Variants in AP3S1 observed in about 807,000 individuals in gnomAD.
The protein encoded by AP3S1 is AP-3 complex subunit sigma-1.
A neutral mutation model predicts 21.3 loss-of-function variants in AP3S1; 12 were observed. The ratio of observed to expected loss-of-function variants is 0.56; its 90% CI spans 0.36 to 0.91. AP3S1 has a LOEUF of 0.91. Ranked by LOEUF, AP3S1 falls within the 40% of genes least tolerant of loss-of-function variation. AP3S1 has a pLI of 0.01. For synonymous variants in AP3S1, 48 were observed against 78.4 expected, an observed-to-expected ratio of 0.61 and a Z score of 2.05; for missense variants, 116 against 225.0, an observed-to-expected ratio of 0.52 and a Z score of 3.10.
chr5:115,904,945 G>T (rs1310212366), intron 5 of AP3S1, among the ~76,000 whole-genome samples: 1 of 152,132 alleles, frequency 6.6e-6, no homozygotes, highest in Non-Finnish European at 1.5e-5. Context: ...TTGACCAGTT[G>T]TCTGGAATTT....
chr5:115,892,431 T>C (rs1025311863), intron 3 of AP3S1, among the ~76,000 whole-genome samples: 1 of 152,158 alleles, frequency 6.6e-6, no homozygotes, highest in Non-Finnish European at 1.5e-5. Flanking sequence ...AGACGAATAA[T>C]GGATAAAGAA....
chr5:115,857,682 T>C (rs1436386183), intron 1 of AP3S1, among the ~76,000 whole-genome samples: 1 of 152,226 alleles, frequency 6.6e-6, no homozygotes, highest in East Asian at 1.9e-4. Flanking sequence ...GTCTAAATAA[T>C]GTACTTGTTT....
At chr5:115,859,867 A>G (rs1273990493) in intron 1 of AP3S1, among the ~76,000 whole-genome samples, 2 of 152,216 alleles carry the variant, frequency 1.3e-5, no homozygotes, top group East Asian at 1.9e-4. Context: ...ATCTGGTGGT[A>G]TCTGTACATT....
intron 1 of AP3S1, among the ~76,000 whole-genome samples, chr5:115,864,714 G>C (rs1264995434): frequency 2.0e-5 from 3 of 152,186 alleles, no homozygotes; most frequent in Non-Finnish European, 4.4e-5. Context: ...AAAAAGGTGG[G>C]AGAATGAAGG....
At chr5:115,851,961 A>G (rs1243376115) in intron 1 of AP3S1, among the ~76,000 whole-genome samples, 2 of 151,736 alleles carry the variant, frequency 1.3e-5, no homozygotes, top group East Asian at 3.8e-4. Flanking sequence ...GTGGACTTCA[A>G]TTTTGAGTAA....
chr5:115,887,218 G>C (rs940253524), intron 3 of AP3S1, among the ~76,000 whole-genome samples: 1 of 152,046 alleles, frequency 6.6e-6, no homozygotes, highest in Non-Finnish European at 1.5e-5. Context: ...TTATTGGTTT[G>C]AGTTAAACCA....
intron 1 of AP3S1, among the ~76,000 whole-genome samples, chr5:115,843,152 G>T (rs148664120): frequency 8.8e-4 from 134 of 152,304 alleles, no homozygotes; most frequent in Non-Finnish European, 1.6e-3. Flanking sequence ...CCAGTGGTAG[G>T]ATTAATGTGA....
chr5:115,866,612 TA>T, intron 1 of AP3S1, 57 bp from the exon 2 acceptor site: 1 of 1,183,080 alleles, frequency 8.5e-7, no homozygotes, highest in Non-Finnish European at 1.1e-6. Context: ...TAAAAATTCT[TA>T]AAATGCTATT....
At chr5:115,847,149 C>A (rs1762123299) in intron 1 of AP3S1, among the ~76,000 whole-genome samples, 1 of 152,074 alleles carries the variant, frequency 6.6e-6, no homozygotes. Context: ...TCTGGTTAGA[C>A]CCACCCAAGA....
chr5:115,912,488 A>G (rs2112603342), intron 5 of AP3S1, among the ~76,000 whole-genome samples: 1 of 152,180 alleles, frequency 6.6e-6, no homozygotes, highest in South Asian at 2.1e-4. Flanking sequence ...TTCTTTTAAA[A>G]TTATTTCACA....
chr5:115,904,213 T>G (rs1751458672), intron 5 of AP3S1: 1 of 152,238 alleles, frequency 6.6e-6, no homozygotes, highest in African/African-American at 2.4e-5. Context: ...TTATTAGTGT[T>G]AAGCTCAGAT....
At chr5:115,889,677 A>G (rs1002390345) in intron 3 of AP3S1, among the ~76,000 whole-genome samples, 2 of 152,222 alleles carry the variant, frequency 1.3e-5, no homozygotes, top group South Asian at 2.1e-4. Context: ...GCTAGACTAT[A>G]TAAAGAATTC....
chr5:115,870,467 C>G (rs975467381), intron 3 of AP3S1, among the ~76,000 whole-genome samples: 1 of 152,184 alleles, frequency 6.6e-6, no homozygotes, highest in African/African-American at 2.4e-5. Context: ...GTCCCTGGAA[C>G]TCAAGGTCAG....
At chr5:115,908,930 C>T in intron 5 of AP3S1, 2 of 944,054 alleles carry the variant, frequency 2.1e-6, no homozygotes, top group South Asian at 4.9e-5. Flanking sequence ...AGTCTGAAAC[C>T]ATTTAATATT....
chr5:115,893,675 T>C (rs931920384), intron 3 of AP3S1, among the ~76,000 whole-genome samples: 1 of 152,182 alleles, frequency 6.6e-6, no homozygotes, highest in Non-Finnish European at 1.5e-5. Flanking sequence ...GGAGCAACTA[T>C]AGCAAGAAGC....
At chr5:115,907,056 T>C (rs754445620) in intron 5 of AP3S1, 1 of 908,142 alleles carries the variant, frequency 1.1e-6, no homozygotes, top group Non-Finnish European at 1.3e-6. Context: ...TTTACTAGTA[T>C]ATCATTGATG....
chr5:115,846,865 G>T (rs1762103281), intron 1 of AP3S1, among the ~76,000 whole-genome samples: 2 of 152,108 alleles, frequency 1.3e-5, no homozygotes, highest in South Asian at 4.2e-4. Flanking sequence ...GCGTTTGTCT[G>T]CATAAATTGG....
chr5:115,866,284 A>G (rs1436311959), intron 1 of AP3S1, among the ~76,000 whole-genome samples: 1 of 152,134 alleles, frequency 6.6e-6, no homozygotes, highest in Non-Finnish European at 1.5e-5. Flanking sequence ...CCTCCATTCA[A>G]ATATAGATTA....
intron 1 of AP3S1, chr5:115,852,903 T>C (rs888330520): frequency 5.3e-6 from 2 of 377,630 alleles, no homozygotes; most frequent in East Asian, 1.5e-4. Flanking sequence ...TTTCCACTTT[T>C]TGGTTACTAT....
Sources: gnomAD v4.1 joint callset for allele counts (sites outside exome capture counted in the v4.1 genomes callset) on GRCh38, gnomAD v4.1.1 for gene constraint, MANE v1.5 for transcripts, NCBI Gene and HGNC (gene_info 2026-07-23, HGNC 2026-07-21) for gene names.